NR5A2: variants seen among roughly 807,000 people sequenced by gnomAD.
The protein encoded by NR5A2 is nuclear receptor subfamily 5 group A member 2.
In NR5A2, 26 loss-of-function variants were observed where a neutral mutation model predicts 62.7. The ratio of observed to expected loss-of-function variants is 0.41; its 90% CI spans 0.30 to 0.58. The LOEUF is 0.58. Among genes scored for constraint, NR5A2 ranks in the 20% least tolerant of loss-of-function variants. The pLI is 0.22. For missense variants in NR5A2, 541 were observed against 669.1 expected (o/e 0.81, Z 2.11); for synonymous variants, 246 against 241.7 (o/e 1.02, Z -0.16).
chr1:200,034,968 G>A (rs1253877020), intron 1 of NR5A2, among the ~76,000 whole-genome samples: 1 of 152,036 alleles, frequency 6.6e-6, no homozygotes, highest in African/African-American at 2.4e-5. Flanking sequence ...GCCTACGGGC[G>A]TGGGCGGGTA....
chr1:200,116,278 C>T (rs1402550677), intron 6 of NR5A2, among the ~76,000 whole-genome samples: 3 of 152,114 alleles, frequency 2.0e-5, no homozygotes, highest in African/African-American at 7.2e-5. Flanking sequence ...TGTTCCGTAG[C>T]CCAATCTTCT....
intron 6 of NR5A2, among the ~76,000 whole-genome samples, chr1:200,116,195 A>G (rs1448253815): frequency 6.6e-6 from 1 of 152,164 alleles, no homozygotes; most frequent in Non-Finnish European, 1.5e-5. Context: ...TTCACCTTGA[A>G]AGCATGTATG....
At chr1:200,097,247 T>C (rs1665143917) in intron 5 of NR5A2, among the ~76,000 whole-genome samples, 1 of 152,222 alleles carries the variant, frequency 6.6e-6, no homozygotes, top group South Asian at 2.1e-4. Context: ...TTTGTCAGAA[T>C]ATTATTTCTT....
chr1:200,107,987 G>A (rs866648462), intron 5 of NR5A2, among the ~76,000 whole-genome samples: 1 of 151,952 alleles, frequency 6.6e-6, no homozygotes, highest in East Asian at 1.9e-4. Context: ...TCTTGTTACC[G>A]TAACTATTTC....
intron 5 of NR5A2, among the ~76,000 whole-genome samples, chr1:200,076,026 G>T (rs1275736179): frequency 6.6e-6 from 1 of 151,898 alleles, no homozygotes; most frequent in Non-Finnish European, 1.5e-5. Context: ...AACAATTTTC[G>T]GTTGAGGGTG....
At chr1:200,146,926 A>C (rs1667726459) in intron 7 of NR5A2, among the ~76,000 whole-genome samples, 1 of 151,838 alleles carries the variant, frequency 6.6e-6, no homozygotes, top group African/African-American at 2.4e-5. Flanking sequence ...AGAACGGAAA[A>C]TGTATCCTTA....
chr1:200,044,887 C>T (rs1662284310), intron 3 of NR5A2, among the ~76,000 whole-genome samples: 1 of 151,924 alleles, frequency 6.6e-6, no homozygotes, highest in Non-Finnish European at 1.5e-5. Flanking sequence ...AGAACAGTTC[C>T]CATACTTGAA....
chr1:200,040,924 C>T (rs944732638), intron 2 of NR5A2, among the ~76,000 whole-genome samples: 8 of 152,214 alleles, frequency 5.3e-5, no homozygotes, highest in Non-Finnish European at 4.4e-5. Flanking sequence ...CCTGGGGTCT[C>T]CCCAAGCCTC....
chr1:200,122,457 G>A (rs1666521663), intron 7 of NR5A2, among the ~76,000 whole-genome samples: 1 of 152,182 alleles, frequency 6.6e-6, no homozygotes, highest in African/African-American at 2.4e-5. Flanking sequence ...ATTAGTTGAA[G>A]AAATGTATTA....
Position 200,052,812 on chromosome 1 carries a change from T to G in NR5A2, c.1110+3994T>G, listed in dbSNP as rs573406787. Among the ~76,000 whole-genome samples, 13 of 152,272 alleles carry G rather than the reference T, an allele frequency of 8.5e-5. No individual in the cohort carries two copies. In the East Asian group the frequency reaches 2.5e-3, roughly 29 times the overall value. ...GCCTGCCACCACGCCGGCTAATTTT[T>G]TGTATTTTTAGTAGAGACGGTGTTT... On this transcript the variant is annotated intron_variant, in intron 5 of 7. Coordinates refer to ENST00000367362, the MANE Select transcript of NR5A2 (RefSeq NM_205860.3).
chr1:200,103,730 T>C (rs1482620127), intron 5 of NR5A2, among the ~76,000 whole-genome samples: 1 of 152,178 alleles, frequency 6.6e-6, no homozygotes, highest in Non-Finnish European at 1.5e-5. Context: ...CAACCTAGGC[T>C]AGAGGAGAAG....
At chr1:200,165,239 C>T (rs1653845209) in intron 7 of NR5A2, among the ~76,000 whole-genome samples, 1 of 152,004 alleles carries the variant, frequency 6.6e-6, no homozygotes, top group African/African-American at 2.4e-5. Flanking sequence ...CCACATAACC[C>T]CTGCCCCGCT....
At chr1:200,075,485 A>G (rs1356755398) in intron 5 of NR5A2, among the ~76,000 whole-genome samples, 1 of 152,264 alleles carries the variant, frequency 6.6e-6, no homozygotes, top group East Asian at 1.9e-4. Context: ...ATGCAAATTA[A>G]TTTGGAGCAT....
At chr1:200,144,550 G>A (rs1165128342) in intron 7 of NR5A2, among the ~76,000 whole-genome samples, 1 of 152,106 alleles carries the variant, frequency 6.6e-6, no homozygotes, top group African/African-American at 2.4e-5. Context: ...TCTGCCATTT[G>A]GGAAAGAATT....
chr1:200,165,403 G>A (rs1257141541), intron 7 of NR5A2, among the ~76,000 whole-genome samples: 2 of 152,138 alleles, frequency 1.3e-5, no homozygotes, highest in Non-Finnish European at 1.5e-5. Context: ...TGTTGATGTT[G>A]TACATTCTAT....
chr1:200,062,322 G>A (rs1663268057), intron 5 of NR5A2, among the ~76,000 whole-genome samples: 4 of 151,280 alleles, frequency 2.6e-5, no homozygotes, highest in Admixed American at 2.6e-4. Flanking sequence ...CACATTCTCT[G>A]AAATGTTGGC....
In NR5A2 at chr1:200,048,849, C is replaced by T; in HGVS notation, c.1110+31C>T. The stretch of plus-strand genomic sequence containing the variant: ...CCACCAGCTATTACAACTTACAGCA[C>T]CCCTTTTAAGAGAGACCTAACTATG... On this transcript the variant is annotated intron_variant, in intron 5 of 7. Transcript: ENST00000367362. This position sits in a 1 kb window ranked among gnomAD's most constrained non-coding sequence, Gnocchi z 4.8. 1 of 1,608,770 alleles carries T rather than the reference C, an allele frequency of 6.2e-7. No homozygotes were observed. Among genetic ancestry groups the T allele is most frequent in the South Asian group, 1.1e-5 (1 of 90,906 alleles).
In NR5A2 at chr1:200,141,797, A is replaced by G. The variant is rs546122910; in HGVS notation, c.1378+20842A>G. Among the ~76,000 whole-genome samples, 19 of 152,348 alleles carry G rather than the reference A, an allele frequency of 1.2e-4. 1 individual carries two copies. The South Asian group carries it at 3.9e-3, about 32-fold the overall frequency. On this transcript the variant is annotated intron_variant, in intron 7 of 7. Transcript: ENST00000367362. ...TAGGTGAATATAAAACTTGAAGTTG[A>G]CAATATAGTCTCTTAACACTTGGGA...
chr1:200,107,029 C>T (rs569403887), intron 5 of NR5A2, among the ~76,000 whole-genome samples: 20 of 152,160 alleles, frequency 1.3e-4, no homozygotes, highest in African/African-American at 4.3e-4. Context: ...GCTCGAGTGG[C>T]GGGGGCGGCG....
Sources: allele counts gnomAD v4.1 joint callset (sites outside exome capture counted in the v4.1 genomes callset), GRCh38; gene constraint gnomAD v4.1.1; non-coding constraint Gnocchi (gnomAD v3.1); transcripts MANE v1.5; gene names NCBI Gene and HGNC (gene_info 2026-07-23, HGNC 2026-07-21).